The following RGPD3 variants were observed in gnomAD, a reference collection of about 807,000 sequenced individuals.
RGPD3 encodes ranBP2-like and GRIP domain-containing protein 3.
RGPD3 carries 62 observed loss-of-function variants against 154.5 expected under a neutral mutation model. The ratio of observed to expected loss-of-function variants is 0.40; its 90% CI spans 0.33 to 0.50. The LOEUF (loss-of-function observed/expected upper bound fraction) is 0.50. Among genes scored for constraint, RGPD3 ranks in the 20% least tolerant of loss-of-function variants. The pLI, the probability that RGPD3 is intolerant of heterozygous loss-of-function variation, is 0.59. For synonymous variants in RGPD3, 308 were observed against 607.0 expected, an observed-to-expected ratio of 0.51 and a Z score of 7.24; for missense variants, 919 against 1,716.8, an observed-to-expected ratio of 0.54 and a Z score of 8.21.
Position 106,464,823 on chromosome 2 carries a change from A to C in RGPD3, c.72+3394T>G, listed in dbSNP as rs1381745432. 2.6e-4 allele frequency among the ~76,000 whole-genome samples: 40 copies of C among 152,106 alleles called. No homozygotes were observed. The South Asian group carries it at 8.3e-3, about 32-fold the overall frequency. On this transcript the variant is annotated intron_variant, in intron 1 of 22. Transcript: ENST00000409886. The stretch of plus-strand genomic sequence containing the variant: ...ACCACAACCTCTGCCTCCAGGGTTC[A>C]AGCAATTCTCCTGTCTCAGCCTACC...
chr2:106,423,001 A>T (rs1243261437), intron 20 of RGPD3, 42 bp downstream of exon 20: 1 of 1,028,920 alleles, frequency 9.7e-7, no homozygotes, highest in Non-Finnish European at 1.5e-6. Context: ...AAACATTAAA[A>T]GAAAGAAAAA....
At chr2:106,408,478 G>A (rs937914149) in intron 22 of RGPD3, among the ~76,000 whole-genome samples, 1 of 141,864 alleles carries the variant, frequency 7.0e-6, no homozygotes, top group Non-Finnish European at 1.5e-5. Flanking sequence ...CAAACCCACA[G>A]AAAGGAAAAC....
intron 6 of RGPD3, among the ~76,000 whole-genome samples, chr2:106,451,553 C>T (rs1425370954): frequency 6.6e-6 from 1 of 151,316 alleles, no homozygotes; most frequent in Non-Finnish European, 1.5e-5. Context: ...TAAACAGAGG[C>T]ATGCTGCATT....
chr2:106,469,425 C>T (rs1323523597), upstream of RGPD3, among the ~76,000 whole-genome samples: 1 of 152,206 alleles, frequency 6.6e-6, no homozygotes, highest in Admixed American at 6.5e-5. Context: ...CCAATTCCCC[C>T]TTTCAATGTT....
intron 17 of RGPD3, among the ~76,000 whole-genome samples, chr2:106,432,233 G>A (rs1463113605): frequency 1.3e-5 from 2 of 148,534 alleles, no homozygotes; most frequent in East Asian, 2.0e-4. Flanking sequence ...CGGGCAGATC[G>A]CCTGAGGTCA....
rs374681638 is a variant in RGPD3 at position 106,468,250 on chromosome 2, G to T, written c.39C>A (p.Ala13=). ...CSKAYGERYV[A]SVQGSAPSPR... is the part of the protein sequence containing the mutation. Reference sequence around the variant, plus strand: ...GCGACGGGGCGGAGCCCTGCACCGAGGCGACGTACCGCTCCCCGTAGGCCT... The same window carrying T: ...GCGACGGGGCGGAGCCCTGCACCGATGCGACGTACCGCTCCCCGTAGGCCT... The change falls in exon 1 of 23, where the codon GCC becomes GCA. Residue 13 remains alanine (A), a synonymous_variant. Coordinates refer to ENST00000409886, the MANE Select transcript of RGPD3 (RefSeq NM_001144013.2). The T allele has an allele frequency of 8.1e-6, 13 of 1,608,050 alleles. No homozygotes were observed. In the East Asian group the frequency reaches 2.7e-4, roughly 33 times the overall value.
At chr2:106,446,456 G>A (rs1677935968) in intron 7 of RGPD3, among the ~76,000 whole-genome samples, 1 of 149,242 alleles carries the variant, frequency 6.7e-6, no homozygotes, top group Admixed American at 6.7e-5. Context: ...TGTAGTCCCA[G>A]CTACTCAGGA....
upstream of RGPD3, among the ~76,000 whole-genome samples, chr2:106,470,258 A>T (rs1487206815): frequency 6.6e-6 from 1 of 152,240 alleles, no homozygotes; most frequent in Admixed American, 6.5e-5. Context: ...AGTCCTTATG[A>T]CTAGGAGATG....
chr2:106,446,493 T>C (rs1418409351), intron 7 of RGPD3, among the ~76,000 whole-genome samples: 5 of 117,940 alleles, frequency 4.2e-5, no homozygotes, highest in East Asian at 6.0e-4. Context: ...TGGCGTGAAC[T>C]CGGGAGGTGG....
intron 22 of RGPD3, among the ~76,000 whole-genome samples, chr2:106,409,576 TTC>T (rs1215938084): frequency 5.3e-5 from 8 of 152,264 alleles, no homozygotes; most frequent in African/African-American, 1.7e-4. Flanking sequence ...CTTTTGAGAT[TTC>T]TCTCTGTCTT....
chr2:106,415,368 T>A (rs991604552), intron 21 of RGPD3, among the ~76,000 whole-genome samples: 3 of 152,100 alleles, frequency 2.0e-5, no homozygotes, highest in Admixed American at 6.6e-5. Context: ...AAATAATCTT[T>A]ATGTAATAGG....
At chr2:106,450,419 A>G (rs1411120819) in intron 6 of RGPD3, among the ~76,000 whole-genome samples, 1 of 149,514 alleles carries the variant, frequency 6.7e-6, no homozygotes, top group Non-Finnish European at 1.5e-5. Context: ...GGGTGGCACC[A>G]GCTTTTTATC....
At chr2:106,414,754 A>C (rs1676772493) in intron 21 of RGPD3, among the ~76,000 whole-genome samples, 2 of 151,008 alleles carry the variant, frequency 1.3e-5, no homozygotes, top group South Asian at 4.3e-4. Context: ...GAAGTATTTA[A>C]TGGTGGAATG....
At chr2:106,441,863 CAAAAAAAAA>C (rs1166971652) in intron 7 of RGPD3, among the ~76,000 whole-genome samples, 228 of 13,590 alleles carry the variant, frequency 0.017, 2 homozygotes, top group Admixed American at 0.017. Context: ...GACTCCATCG[CAAAAAAAAA>C]AAAAAAAAAA....
At chr2:106,441,776 A>G (rs1677749774) in intron 7 of RGPD3, among the ~76,000 whole-genome samples, 1 of 145,636 alleles carries the variant, frequency 6.9e-6, no homozygotes, top group Admixed American at 7.0e-5. Flanking sequence ...AGGCACAAGG[A>G]TAGCTTGAAC....
Position 106,441,554 on chromosome 2 carries a change from T to C in RGPD3, c.979-174A>G, listed in dbSNP as rs1283397439. Among the ~76,000 whole-genome samples, 3 of 151,624 alleles carry C rather than the reference T, an allele frequency of 2.0e-5. No homozygotes were observed. In the East Asian group the frequency reaches 5.8e-4, roughly 29 times the overall value. On this transcript the variant is annotated intron_variant, in intron 7 of 22. Coordinates refer to ENST00000409886, the MANE Select transcript of RGPD3 (RefSeq NM_001144013.2). ...GGAACCAAGGAATTTGTATAACCTATGAAAGATAGGCCAGGTACAGGCGTG... is the reference window on the plus strand; with the variant it reads ...GGAACCAAGGAATTTGTATAACCTACGAAAGATAGGCCAGGTACAGGCGTG...
intron 22 of RGPD3, among the ~76,000 whole-genome samples, chr2:106,412,115 C>T (rs1194594226): frequency 6.9e-6 from 1 of 145,232 alleles, no homozygotes; most frequent in Non-Finnish European, 1.5e-5. Flanking sequence ...CTTCCTTGTG[C>T]TTGTAAATGT....
At chr2:106,413,896 A>C (rs1676744839) in intron 21 of RGPD3, among the ~76,000 whole-genome samples, 1 of 152,154 alleles carries the variant, frequency 6.6e-6, no homozygotes, top group African/African-American at 2.4e-5. Context: ...GGTTGGTACC[A>C]AGATGTTCCC....
chr2:106,424,785 TA>T lies in RGPD3; in HGVS notation c.3181del (p.Tyr1061IlefsTer5), dbSNP rs781456455. The T allele has an allele frequency of 6.2e-7, 1 of 1,611,774 alleles. No individual in the cohort carries two copies. Among genetic ancestry groups the T allele is most frequent in the African/African-American group, 1.3e-5 (1 of 74,806 alleles). On this transcript the variant is annotated frameshift_variant, in exon 20 of 23. Transcript: ENST00000409886. LOFTEE classifies it high-confidence loss of function. Reference sequence around the variant, plus strand: ...TCTAAATAGTTTTACCCCCTGTGAATACAGAACTTTTTCACCTTCTTCTCCT... The same window carrying T: ...TCTAAATAGTTTTACCCCCTGTGAATCAGAACTTTTTCACCTTCTTCTCCT... ...VTGEEGEKVL[Y>X]SQGVKLFRFD... is the part of the protein sequence containing the mutation.
Sources: gnomAD v4.1 joint callset for allele counts (sites outside exome capture counted in the v4.1 genomes callset) on GRCh38, gnomAD v4.1.1 for gene constraint, MANE v1.5 for transcripts, NCBI Gene and HGNC (gene_info 2026-07-23, HGNC 2026-07-21) for gene names.